The following CPNE4 variants were observed in gnomAD, a reference collection of about 807,000 sequenced individuals.
The protein encoded by CPNE4 is copine-4.
In CPNE4, 25 loss-of-function variants were observed where a neutral mutation model predicts 67.9. The observed-to-expected ratio is 0.37, with a 90% CI of 0.27 to 0.51. CPNE4 has a LOEUF of 0.51. Among genes scored for constraint, CPNE4 ranks in the 20% least tolerant of loss-of-function variants. CPNE4 has a pLI of 0.93. For synonymous variants in CPNE4, 242 were observed against 244.9 expected (o/e 0.99, Z 0.11); for missense variants, 464 against 690.8 (o/e 0.67, Z 3.68).
At chr3:131,797,768 C>A (rs928219798) in intron 2 of CPNE4, among the ~76,000 whole-genome samples, 1 of 152,170 alleles carries the variant, frequency 6.6e-6, no homozygotes, top group African/African-American at 2.4e-5. Context: ...ACATCGATGC[C>A]TTTTACATCA....
chr3:132,037,442 T>A, upstream of CPNE4: 1 of 788,242 alleles, frequency 1.3e-6, no homozygotes, highest in South Asian at 1.5e-5. Context: ...CAAATGAAGA[T>A]TTGTAACCAG....
At chr3:131,992,141 G>A (rs1372466711) in intron 1 of CPNE4, among the ~76,000 whole-genome samples, 1 of 136,348 alleles carries the variant, frequency 7.3e-6, no homozygotes, top group Non-Finnish European at 1.7e-5. Flanking sequence ...TCTGCCTAGT[G>A]GAGCTGTGAG....
chr3:131,696,193 A>G (rs1459882417), intron 5 of CPNE4, among the ~76,000 whole-genome samples: 2 of 152,238 alleles, frequency 1.3e-5, no homozygotes, highest in Non-Finnish European at 2.9e-5. Context: ...GTACTTGGCA[A>G]ACATAGGTGC....
chr3:131,918,584 T>C (rs1459730380), intron 1 of CPNE4, among the ~76,000 whole-genome samples: 1 of 151,890 alleles, frequency 6.6e-6, no homozygotes, highest in Non-Finnish European at 1.5e-5. Flanking sequence ...AAATAACAAA[T>C]AAGCAAAAAA....
At chr3:131,628,032 C>G (rs115720760) in intron 7 of CPNE4, among the ~76,000 whole-genome samples, 1 of 152,134 alleles carries the variant, frequency 6.6e-6, no homozygotes, top group Non-Finnish European at 1.5e-5. Flanking sequence ...GAAATTCAAC[C>G]ATGGGTAAAA....
At chr3:131,952,401 GC>G (rs1004531778) in intron 1 of CPNE4, among the ~76,000 whole-genome samples, 2 of 147,778 alleles carry the variant, frequency 1.4e-5, no homozygotes, top group Admixed American at 6.7e-5. Flanking sequence ...GAGCCTCTCC[GC>G]CCGGCAGCCA....
chr3:131,824,725 T>G (rs1473395007), intron 2 of CPNE4, among the ~76,000 whole-genome samples: 1 of 152,146 alleles, frequency 6.6e-6, no homozygotes, highest in Non-Finnish European at 1.5e-5. Flanking sequence ...TTTGTATGAA[T>G]CTGAACTAGG....
intron 1 of CPNE4, among the ~76,000 whole-genome samples, chr3:131,958,974 T>C (rs1207902374): frequency 2.9e-3 from 5 of 1,734 alleles, no homozygotes; most frequent in Non-Finnish European, 4.8e-3. Flanking sequence ...ACCTTTCTTT[T>C]TTTTTTTTTT....
In CPNE4 at chr3:131,992,961, C is replaced by T. The variant is rs551843130; in HGVS notation, c.-2+41606G>A. On this transcript the variant is annotated intron_variant, in intron 1 of 15. Coordinates refer to ENST00000429747, the MANE Select transcript of CPNE4 (RefSeq NM_130808.3). ...AAGTTTCCTGAGGCCTCCTTAGCCA[C>T]GCTGAACTGTGAGTCAATTAAACCT... is the stretch of plus-strand genomic sequence containing the variant. 2.6e-4 allele frequency among the ~76,000 whole-genome samples: 35 copies of T among 136,388 alleles called. 3 individuals are homozygous for T. Among genetic ancestry groups the T allele is most frequent in the Non-Finnish European group, 3.3e-4 (20 of 60,140 alleles). 89.5% of individuals were successfully genotyped at this position (136,388 alleles called of 152,430 possible).
At chr3:131,895,009 C>T (rs141345357) in intron 2 of CPNE4, among the ~76,000 whole-genome samples, 1 of 152,090 alleles carries the variant, frequency 6.6e-6, no homozygotes, top group African/African-American at 2.4e-5. Flanking sequence ...TATATTTGCA[C>T]AACAGAATAC....
At chr3:131,551,809 T>C (rs1457988961) in intron 13 of CPNE4, among the ~76,000 whole-genome samples, 1 of 152,000 alleles carries the variant, frequency 6.6e-6, no homozygotes, top group Non-Finnish European at 1.5e-5. Flanking sequence ...ACAGAAAAAA[T>C]CATTCTAGAA....
At chr3:131,634,546 T>C (rs1302789571) in intron 7 of CPNE4, among the ~76,000 whole-genome samples, 1 of 152,170 alleles carries the variant, frequency 6.6e-6, no homozygotes, top group African/African-American at 2.4e-5. Context: ...AGTAACTTCA[T>C]AGTCTGTTCT....
intron 7 of CPNE4, among the ~76,000 whole-genome samples, chr3:131,641,044 G>T (rs948094645): frequency 6.6e-6 from 1 of 152,096 alleles, no homozygotes; most frequent in Admixed American, 6.5e-5. Context: ...TTAAAACTAA[G>T]ACCTGAATCC....
At chr3:131,560,952 C>T (rs1326893646) in intron 11 of CPNE4, among the ~76,000 whole-genome samples, 1 of 151,980 alleles carries the variant, frequency 6.6e-6, no homozygotes. Flanking sequence ...CAAGGTAGCA[C>T]GTGATTTGAA....
chr3:131,564,322 C>T lies in CPNE4; in HGVS notation c.955G>A (p.Gly319Arg), dbSNP rs1215962854. 6 of 1,612,048 alleles carry T rather than the reference C, an allele frequency of 3.7e-6. No individual in the cohort carries two copies. Among genetic ancestry groups the T allele is most frequent in the Admixed American group, 1.7e-5 (1 of 59,780 alleles). ...AAGGAACAGCTGTTCCTGGGGTCCC[C>T]GTTTGAGGCAGTGAAATCTATAGCT... ...TVAIDFTASN[G>R]DPRNSCSLHY... Residue 319 changes from glycine (G) to arginine (R), a missense_variant, in exon 11 of 16, where the codon GGG (glycine) becomes AGG (arginine). Around this residue, in one of 6 missense-constraint regions of CPNE4, gnomAD observed 201 missense variants for 357.7 expected, o/e 0.56. Coordinates refer to ENST00000429747, the MANE Select transcript of CPNE4 (RefSeq NM_130808.3).
At chr3:131,690,362 A>G (rs556495769) in intron 5 of CPNE4, among the ~76,000 whole-genome samples, 1 of 152,198 alleles carries the variant, frequency 6.6e-6, no homozygotes, top group Non-Finnish European at 1.5e-5. Flanking sequence ...ATGGAACAGG[A>G]TAGAGAATCC....
chr3:131,717,956 TCTC>T (rs2081774573), intron 3 of CPNE4, among the ~76,000 whole-genome samples: 3 of 148,438 alleles, frequency 2.0e-5, no homozygotes, highest in African/African-American at 7.6e-5. Context: ...TCTTTCTTTC[TCTC>T]TTTCTTTCTC....
chr3:131,977,979 A>C (rs946551656), intron 1 of CPNE4, among the ~76,000 whole-genome samples: 1 of 144,030 alleles, frequency 6.9e-6, no homozygotes, highest in African/African-American at 2.6e-5. Context: ...ATAGCCTTTA[A>C]TCTCATCCAG....
At chr3:132,007,072 C>T (rs373175850) in intron 1 of CPNE4, among the ~76,000 whole-genome samples, 1 of 152,054 alleles carries the variant, frequency 6.6e-6, no homozygotes, top group Non-Finnish European at 1.5e-5. Flanking sequence ...GTGATGTGCT[C>T]GGCACCTCTA....
Sources: allele counts gnomAD v4.1 joint callset (sites outside exome capture counted in the v4.1 genomes callset), GRCh38; gene constraint gnomAD v4.1.1; regional missense constraint gnomAD v4.1.1; transcripts MANE v1.5; gene names NCBI Gene and HGNC (gene_info 2026-07-23, HGNC 2026-07-21).